Variants in SMARCA4 observed in about 807,000 individuals in gnomAD.
SMARCA4 encodes SWI/SNF related BAF chromatin remodeling complex subunit ATPase 4.
SMARCA4 carries 31 observed loss-of-function variants against 193.9 expected under a neutral mutation model. That is an observed-to-expected ratio of 0.16 (90% CI 0.12 to 0.22). The LOEUF (loss-of-function observed/expected upper bound fraction) is 0.22, where lower values mean the gene tolerates loss of function less well. SMARCA4 is among the 10% of genes least tolerant of loss of function. The probability of loss-of-function intolerance (pLI) is 1.00; values close to 1 mark genes in which losing one functional copy is unlikely to be tolerated. For synonymous variants in SMARCA4, 942 were observed against 933.1 expected, an observed-to-expected ratio of 1.01 and a Z score of -0.17; for missense variants, 1,148 against 2,296.0, an observed-to-expected ratio of 0.50 and a Z score of 10.22.
rs1060504441 is a variant in SMARCA4 at position 10,991,272 on chromosome 19, G to A, written c.1368G>A (p.Leu456=). 5.0e-6 allele frequency: 8 copies of A among 1,611,874 alleles called. No individual in the cohort carries two copies. Among genetic ancestry groups the A allele is most frequent in the Non-Finnish European group, 6.8e-6 (8 of 1,179,258 alleles). The change falls in exon 8 of 35, where the codon CTG becomes CTA. Residue 456 remains leucine (L), a synonymous_variant. Coordinates refer to ENST00000344626, the MANE Select transcript of SMARCA4 (RefSeq NM_003072.5). ...GCGAGGCCCGCATCACTGAGAAGCT[G>A]GAGAAGCAGCAGAAGATCGAGCAGG... ...SLREARITEK[L]EKQQKIEQER...
chr19:11,060,282 C>T (rs1052336282), intron 34 of SMARCA4, 95 bp downstream of exon 34: 18 of 1,429,894 alleles, frequency 1.3e-5, no homozygotes, highest in Non-Finnish European at 1.5e-5. Context: ...GCTCCCACGC[C>T]CCCACGCTGC....
chr19:11,061,204 A>AAAAAAAATAT (rs1555797070), intron 34 of SMARCA4, among the ~76,000 whole-genome samples: 1 of 45,222 alleles, frequency 2.2e-5, no homozygotes, highest in African/African-American at 1.1e-4. Flanking sequence ...AAAAAAAAAA[A>AAAAAAAATAT]ATATATATAT....
intron 30 of SMARCA4, among the ~76,000 whole-genome samples, chr19:11,042,221 C>T (rs1031386709): frequency 2.6e-5 from 4 of 152,230 alleles, no homozygotes; most frequent in Admixed American, 1.3e-4. Flanking sequence ...CGGATCATAA[C>T]GTGTTGGTGG....
rs1369760415 is a variant in SMARCA4, at chr19:11,055,745, A to G, written c.4425-2510A>G. 2.0e-5 allele frequency among the ~76,000 whole-genome samples: 3 copies of G among 147,648 alleles called. 1 individual carries two copies. The highest frequency in any genetic ancestry group is 4.6e-5 in the Non-Finnish European group (3 of 65,256). Reference sequence around the variant, plus strand: ...GGCCACTAAGGGCATTGAATGGATCACAAAACTGGCTTTTTTTTCCCCCAG... The same window carrying G: ...GGCCACTAAGGGCATTGAATGGATCGCAAAACTGGCTTTTTTTTCCCCCAG... On this transcript the variant is annotated intron_variant, in intron 30 of 34. Transcript: ENST00000344626.
rs1195421753 is a variant in SMARCA4 at position 11,061,190 on chromosome 19, A to T, written c.4912-594A>T. Reference sequence around the variant, plus strand: ...GCAACAGAGCAAGACCCTGTCTTTAAAAAAAAAAAAAAAAATATATATATA... The same window carrying T: ...GCAACAGAGCAAGACCCTGTCTTTATAAAAAAAAAAAAAAATATATATATA... On this transcript the variant is annotated intron_variant, in intron 34 of 34. Transcript: ENST00000344626. Among the ~76,000 whole-genome samples the T allele has an allele frequency of 2.0e-4, 9 of 45,694 alleles. No individual in the cohort carries two copies. In the South Asian group the frequency reaches 2.2e-3, roughly 11 times the overall value. 30.0% of individuals were successfully genotyped at this position (45,694 alleles called of 152,430 possible).
At position 11,058,386 on chromosome 19, in the gene SMARCA4, GC is replaced by G. The variant is rs1568561157; in HGVS notation, c.4533+27del. The stretch of plus-strand genomic sequence containing the variant: ...AAGGTAACCCTGACGTTGTACCTGC[GC>G]CCCGCATGTGCCCGGAGGGGAGTCT... On this transcript the variant is annotated intron_variant, in intron 31 of 34. Transcript: ENST00000344626. The surrounding 1 kb of genome is among the most constrained non-coding windows in gnomAD (Gnocchi z 5.8). 4 of 1,515,176 alleles carry G rather than the reference GC, an allele frequency of 2.6e-6. No individual in the cohort carries two copies. Among genetic ancestry groups the G allele is most frequent in the Admixed American group, 1.7e-5 (1 of 59,846 alleles). 93.9% of individuals were successfully genotyped at this position (1,515,176 alleles called of 1,614,324 possible).
Position 11,033,049 on chromosome 19 carries a change from T to G in SMARCA4, c.3547-241T>G. ...GCTTTCTTCCCGAATATCTGTGGGG[T>G]CCCAATAAGGTAGAAGGTGGCACTT... On this transcript the variant is annotated intron_variant, in intron 25 of 34. Coordinates refer to ENST00000344626, the MANE Select transcript of SMARCA4 (RefSeq NM_003072.5). This position sits in a 1 kb window ranked among gnomAD's most constrained non-coding sequence, Gnocchi z 9.8. 2 of 599,506 alleles carry G rather than the reference T, an allele frequency of 3.3e-6. No individual in the cohort carries two copies. Among genetic ancestry groups the G allele is most frequent in the South Asian group, 3.8e-5 (2 of 52,536 alleles). 37.1% of individuals were successfully genotyped at this position (599,506 alleles called of 1,614,324 possible).
intron 1 of SMARCA4, among the ~76,000 whole-genome samples, chr19:10,969,176 G>T (rs143837826): frequency 4.9e-4 from 74 of 152,318 alleles, no homozygotes; most frequent in African/African-American, 1.6e-3. Context: ...AGAACCAGGG[G>T]CTGAACCCCG....
chr19:11,061,530 C>T (rs938501820), intron 34 of SMARCA4, among the ~76,000 whole-genome samples: 2 of 152,096 alleles, frequency 1.3e-5, no homozygotes, highest in Admixed American at 1.3e-4. Context: ...CGCCCGCCAC[C>T]ACGCCCGGCT....
intron 1 of SMARCA4, among the ~76,000 whole-genome samples, chr19:10,978,993 A>G (rs1466009191): frequency 2.6e-5 from 4 of 152,050 alleles, no homozygotes; most frequent in Non-Finnish European, 5.9e-5. Flanking sequence ...AATAGCCAGT[A>G]AGCATACAGA....
intron 16 of SMARCA4, among the ~76,000 whole-genome samples, chr19:11,017,017 C>T (rs569727167): frequency 3.3e-5 from 5 of 152,086 alleles, no homozygotes; most frequent in Non-Finnish European, 5.9e-5. Context: ...CTGGGGCCCT[C>T]TCAGTGGTCA....
In SMARCA4 at chr19:10,984,918, T is replaced by A. The variant is rs2145739635; in HGVS notation, c.223-355T>A. On this transcript the variant is annotated intron_variant, in intron 2 of 34. Coordinates refer to ENST00000344626, the MANE Select transcript of SMARCA4 (RefSeq NM_003072.5). This position sits in a 1 kb window ranked among gnomAD's most constrained non-coding sequence, Gnocchi z 4.3. ...CCCTGGATGTGGTTAGAGGACATAT[T>A]CCCTTATACATACAGCATCTGAAAG... 6.6e-6 allele frequency among the ~76,000 whole-genome samples: 1 copy of A among 152,290 alleles called. No individual in the cohort carries two copies. The highest frequency in any genetic ancestry group is 3.4e-3 in the Middle Eastern group (1 of 294).
intron 20 of SMARCA4, 121 bp downstream of exon 20, chr19:11,023,752 G>A (rs574375310): frequency 1.4e-6 from 1 of 724,580 alleles, no homozygotes; most frequent in African/African-American, 1.7e-5. Flanking sequence ...ATCCAGCTTG[G>A]GGGTGGCGAT....
chr19:10,964,274 A>G (rs771787755), intron 1 of SMARCA4, among the ~76,000 whole-genome samples: 2 of 151,832 alleles, frequency 1.3e-5, no homozygotes, highest in Non-Finnish European at 2.9e-5. Flanking sequence ...GGGAGGGACT[A>G]GGGTTTTGGG....
In SMARCA4 at chr19:11,058,775, C is replaced by A. The variant is rs773698708; in HGVS notation, c.4534-13C>A. On this transcript the variant is annotated splice_polypyrimidine_tract_variant and intron_variant, in intron 31 of 34. Transcript: ENST00000344626. The surrounding 1 kb of genome is among the most constrained non-coding windows in gnomAD (Gnocchi z 5.8). ...GGTCCTGAGGTAAGACCTGCTCCTC[C>A]CGTCCACTGCAGGAGCGCATTCGCA... 1 of 1,611,964 alleles carries A rather than the reference C, an allele frequency of 6.2e-7. No individual in the cohort carries two copies. Among genetic ancestry groups the A allele is most frequent in the South Asian group, 1.1e-5 (1 of 91,052 alleles).
At chr19:11,055,592 C>T (rs1465316211) in intron 30 of SMARCA4, among the ~76,000 whole-genome samples, 1 of 152,144 alleles carries the variant, frequency 6.6e-6, no homozygotes, top group African/African-American at 2.4e-5. Context: ...GCTGTCACAG[C>T]CCTGGGGTCT....
Position 10,985,510 on chromosome 19 carries a change from G to A in SMARCA4, c.355+105G>A. ...CAGGATGGATTCAGGGAGTACCTAGGATGATGTAGCCGGGTGGGTGGCCCG... is the reference window on the plus strand; with the variant it reads ...CAGGATGGATTCAGGGAGTACCTAGAATGATGTAGCCGGGTGGGTGGCCCG... On this transcript the variant is annotated intron_variant, in intron 3 of 34. Transcript: ENST00000344626. This position sits in a 1 kb window ranked among gnomAD's most constrained non-coding sequence, Gnocchi z 4.5. 1.4e-6 allele frequency: 2 copies of A among 1,403,934 alleles called. No homozygotes were observed. The highest frequency in any genetic ancestry group is 1.4e-5 in the African/African-American group (1 of 70,522). 87.0% of individuals were successfully genotyped at this position (1,403,934 alleles called of 1,614,324 possible).
In SMARCA4 at chr19:10,996,458, G is replaced by A. The variant is rs116337692; in HGVS notation, c.1762-36G>A. ...TTCACGTGTGTGGCCTCAGCCTTGT[G>A]GGTCAGGGCCTGACCGTGTCTCTCT... is the stretch of plus-strand genomic sequence containing the variant. On this transcript the variant is annotated intron_variant, in intron 10 of 34. Transcript: ENST00000344626. 3,791 of 1,613,690 alleles carry A rather than the reference G, an allele frequency of 2.3e-3. 69 individuals are homozygous for A. In the African/African-American group the frequency reaches 0.045, roughly 19 times the overall value.
At chr19:10,989,898 A>G (rs1230648670) in intron 7 of SMARCA4, among the ~76,000 whole-genome samples, 1 of 152,044 alleles carries the variant, frequency 6.6e-6, no homozygotes, top group East Asian at 1.9e-4. Flanking sequence ...GGGTTTCACC[A>G]TATTGGCCAG....
Sources: gnomAD v4.1 joint callset for allele counts (sites outside exome capture counted in the v4.1 genomes callset) on GRCh38, gnomAD v4.1.1 for gene constraint, Gnocchi (gnomAD v3.1) non-coding constraint, MANE v1.5 for transcripts, NCBI Gene and HGNC (gene_info 2026-07-23, HGNC 2026-07-21) for gene names.